The following KHDRBS1 variants were observed in gnomAD, a reference collection of about 807,000 sequenced individuals.
KHDRBS1 encodes KH RNA binding domain containing, signal transduction associated 1.
In KHDRBS1, 7 loss-of-function variants were observed where a neutral mutation model predicts 48.4. That is an observed-to-expected ratio of 0.14 (90% CI 0.08 to 0.27). The LOEUF (loss-of-function observed/expected upper bound fraction) is 0.27, where lower values mean the gene tolerates loss of function less well. Ranked by LOEUF, KHDRBS1 falls within the 10% of genes least tolerant of loss-of-function variation. KHDRBS1 has a pLI of 1.00. For missense variants in KHDRBS1, 458 were observed against 601.2 expected (o/e 0.76, Z 2.49); for synonymous variants, 241 against 235.8 (o/e 1.02, Z -0.20).
At chr1:32,014,503 A>T (rs965460220) in intron 1 of KHDRBS1, 126 bp downstream of exon 1, 11 of 995,526 alleles carry the variant, frequency 1.1e-5, no homozygotes, top group Non-Finnish European at 1.5e-5. Context: ...TCTCATCCTC[A>T]TTTTTGGGAG....
chr1:32,057,065 C>T (rs181177835), intron 10 of KHDRBS1, among the ~76,000 whole-genome samples: 1 of 152,200 alleles, frequency 6.6e-6, no homozygotes, highest in Admixed American at 6.5e-5. Flanking sequence ...ATGTTTAAGC[C>T]AACATATAAA....
chr1:32,052,364 A>C (rs1215056936), intron 10 of KHDRBS1: 3 of 152,156 alleles, frequency 2.0e-5, no homozygotes, highest in Non-Finnish European at 4.4e-5. Context: ...AAAAGAAAGA[A>C]AGAAAAAAAG....
In KHDRBS1 at chr1:32,051,177, C is replaced by T. The variant is rs913576645; in HGVS notation, n.1301+5787C>T. The stretch of plus-strand genomic sequence containing the variant: ...CCTCCCAAAGTGCTGGGATTACAGG[C>T]GTGAGCCACCGTGCTCGGCCCAAAT... On this transcript the variant is annotated intron_variant and non_coding_transcript_variant, in intron 10 of 10. Coordinates refer to the KHDRBS1 transcript ENST00000484270. 1.2e-4 allele frequency among the ~76,000 whole-genome samples: 18 copies of T among 152,322 alleles called. No individual in the cohort carries two copies. In the East Asian group the frequency reaches 3.1e-3, roughly 26 times the overall value.
chr1:32,060,314 A>T (rs1462528859), exon 11 of KHDRBS1: 1 of 152,270 alleles, frequency 6.6e-6, no homozygotes, highest in African/African-American at 2.4e-5. Context: ...AAAGCCAGTC[A>T]GGATCCCTTA....
At chr1:32,049,334 C>T (rs1434528307) in intron 10 of KHDRBS1, among the ~76,000 whole-genome samples, 1 of 151,970 alleles carries the variant, frequency 6.6e-6, no homozygotes, top group Non-Finnish European at 1.5e-5. Flanking sequence ...GGATTACAGA[C>T]GTGAGCCATC....
chr1:32,057,062 A>T (rs2124403002), intron 10 of KHDRBS1, among the ~76,000 whole-genome samples: 1 of 152,364 alleles, frequency 6.6e-6, no homozygotes, highest in African/African-American at 2.4e-5. Flanking sequence ...ATGATGTTTA[A>T]GCCAACATAT....
In KHDRBS1 at chr1:32,013,982, G is replaced by T. The variant is rs776431312; in HGVS notation, c.-14G>T. 14 of 1,484,654 alleles carry T rather than the reference G, an allele frequency of 9.4e-6. No individual in the cohort carries two copies. The highest frequency in any genetic ancestry group is 1.5e-5 in the African/African-American group (1 of 68,302). The allele number at this position is 1,484,654 out of a possible 1,614,324, so 92.0% of individuals were successfully genotyped here. A position where few individuals can be genotyped will look rare whatever the true frequency, so the allele number is the denominator to read the frequency against. The stretch of plus-strand genomic sequence containing the variant: ...GCGTCGCTTTCTCGCTCCTTGGATC[G>T]CACATCCTCCCAGATGCAGCGCCGG... On this transcript the variant is annotated 5_prime_UTR_variant, in exon 1 of 9. Transcript: ENST00000327300.
rs77844885 is a variant in KHDRBS1, at chr1:32,020,742, T to G, written c.382+6365T>G. ...CTATATGATTTCATTAATATAACAT[T>G]CTTGAAGAAACAGAATAGTGGAGAT... On this transcript the variant is annotated intron_variant, in intron 1 of 8. Coordinates refer to ENST00000327300, the MANE Select transcript of KHDRBS1 (RefSeq NM_006559.3). Among the ~76,000 whole-genome samples the G allele has an allele frequency of 3.8e-3, 583 of 152,258 alleles. 8 individuals carry two copies. The highest frequency in any genetic ancestry group is 0.013 in the African/African-American group (530 of 41,546).
chr1:32,023,643 C>T (rs1489424553), intron 1 of KHDRBS1, among the ~76,000 whole-genome samples: 1 of 152,106 alleles, frequency 6.6e-6, no homozygotes, highest in African/African-American at 2.4e-5. Flanking sequence ...AGTACTTTTG[C>T]CTGAGGTTAA....
chr1:32,017,600 CTTTTTTTTTTTT>C (rs34505125), intron 1 of KHDRBS1, among the ~76,000 whole-genome samples: 9 of 73,812 alleles, frequency 1.2e-4, no homozygotes, highest in Admixed American at 1.0e-3. Flanking sequence ...TCTTTTTCTA[CTTTTTTTTTTTT>C]TTTTTTTTTT....
Position 32,029,032 on chromosome 1 carries a change from T to C in KHDRBS1, c.383-1266T>C, listed in dbSNP as rs1177335396. 2.0e-5 allele frequency among the ~76,000 whole-genome samples: 3 copies of C among 152,228 alleles called. No homozygotes were observed. In the East Asian group the frequency reaches 5.8e-4, roughly 29 times the overall value. ...TTGCAAGACAGATGTCTGGCTCTTA[T>C]TAAGTCCTCCATAGTGGTTAATGAT... On this transcript the variant is annotated intron_variant, in intron 1 of 8. Coordinates refer to ENST00000327300, the MANE Select transcript of KHDRBS1 (RefSeq NM_006559.3).
At chr1:32,040,770 C>A (rs1639269106) in intron 8 of KHDRBS1, among the ~76,000 whole-genome samples, 1 of 152,178 alleles carries the variant, frequency 6.6e-6, no homozygotes, top group South Asian at 2.1e-4. Context: ...CAGCGATTGA[C>A]AGTTCACGCT....
At chr1:32,055,814 A>G (rs1287693956) in intron 10 of KHDRBS1, among the ~76,000 whole-genome samples, 1 of 151,908 alleles carries the variant, frequency 6.6e-6, no homozygotes, top group Non-Finnish European at 1.5e-5. Context: ...AGGAGACTCA[A>G]CCCTTTTTGG....
At chr1:32,016,008 G>A (rs1462708373) in intron 1 of KHDRBS1, among the ~76,000 whole-genome samples, 1 of 152,004 alleles carries the variant, frequency 6.6e-6, no homozygotes, top group Admixed American at 6.6e-5. Context: ...GTGAAACCCC[G>A]TCTCTACTAA....
intron 1 of KHDRBS1, among the ~76,000 whole-genome samples, chr1:32,028,309 G>A (rs914988623): frequency 4.6e-5 from 7 of 151,780 alleles, no homozygotes; most frequent in Non-Finnish European, 1.0e-4. Flanking sequence ...TTGAAGCCCA[G>A]CAATCTAGTT....
intron 4 of KHDRBS1, among the ~76,000 whole-genome samples, chr1:32,035,244 G>A (rs920398414): frequency 9.2e-5 from 14 of 152,030 alleles, no homozygotes; most frequent in Admixed American, 8.5e-4. Flanking sequence ...GATGCTTGCC[G>A]GGGAGATGTG....
downstream of KHDRBS1, among the ~76,000 whole-genome samples, chr1:32,044,126 A>C (rs1395779445): frequency 6.6e-6 from 1 of 152,200 alleles, no homozygotes; most frequent in Non-Finnish European, 1.5e-5. Context: ...AATCCTATCA[A>C]AAATTCTAAT....
intron 8 of KHDRBS1, among the ~76,000 whole-genome samples, chr1:32,041,563 A>G (rs886175474): frequency 6.6e-6 from 1 of 151,494 alleles, no homozygotes; most frequent in Non-Finnish European, 1.5e-5. Context: ...TTGACTTAAG[A>G]AAGGAGATAA....
downstream of KHDRBS1, among the ~76,000 whole-genome samples, chr1:32,045,895 T>C (rs1029874848): frequency 2.0e-5 from 3 of 152,126 alleles, no homozygotes; most frequent in Admixed American, 2.0e-4. Flanking sequence ...GATTCAGGTT[T>C]TAGAGAGGGA....
Sources: gnomAD v4.1 joint callset for allele counts (sites outside exome capture counted in the v4.1 genomes callset) on GRCh38, gnomAD v4.1.1 for gene constraint, MANE v1.5 for transcripts, NCBI Gene and HGNC (gene_info 2026-07-23, HGNC 2026-07-21) for gene names.